NALF1: variants seen among roughly 807,000 people sequenced by gnomAD.
The protein encoded by NALF1 is NALCN channel auxiliary factor 1, also known as family with sequence similarity 155 member A.
Under a neutral mutation model 48.4 loss-of-function variants are expected in NALF1, and 3 were observed. That is an observed-to-expected ratio of 0.06 (90% CI 0.03 to 0.16). The LOEUF (loss-of-function observed/expected upper bound fraction) is 0.16. Ranked by LOEUF, NALF1 falls within the 10% of genes least tolerant of loss-of-function variation. The pLI is 1.00. For missense variants in NALF1, 526 were observed against 571.5 expected (o/e 0.92, Z 0.81); for synonymous variants, 262 against 245.7 (o/e 1.07, Z -0.62).
chr13:107,418,899 C>T (rs1395047122), intron 1 of NALF1, among the ~76,000 whole-genome samples: 2 of 152,136 alleles, frequency 1.3e-5, no homozygotes, highest in Admixed American at 6.6e-5. Context: ...AACTTTGTTC[C>T]AGAAAATTGT....
chr13:107,324,849 A>T (rs1390714119), intron 1 of NALF1, among the ~76,000 whole-genome samples: 1 of 152,254 alleles, frequency 6.6e-6, no homozygotes, highest in Non-Finnish European at 1.5e-5. Context: ...AGTATCTACT[A>T]TCCAATAACT....
intron 1 of NALF1, among the ~76,000 whole-genome samples, chr13:107,737,927 T>G (rs1876515268): frequency 6.6e-6 from 1 of 152,180 alleles, no homozygotes. Context: ...TATTAAAACA[T>G]GTGAAATCAC....
At chr13:107,569,446 T>C (rs982213695) in intron 1 of NALF1, among the ~76,000 whole-genome samples, 2 of 151,430 alleles carry the variant, frequency 1.3e-5, no homozygotes, top group African/African-American at 2.4e-5. Context: ...CACTCCAGCC[T>C]GGGCGACACA....
At chr13:107,209,406 C>G (rs1327532458) in intron 2 of NALF1, among the ~76,000 whole-genome samples, 1 of 151,776 alleles carries the variant, frequency 6.6e-6, no homozygotes, top group Admixed American at 6.6e-5. Flanking sequence ...ACTCGGGAGG[C>G]TGAGGCATGA....
intron 1 of NALF1, among the ~76,000 whole-genome samples, chr13:107,426,823 T>C (rs1264184751): frequency 6.6e-6 from 1 of 152,136 alleles, no homozygotes; most frequent in African/African-American, 2.4e-5. Context: ...AGCATACTGC[T>C]TGGAAAAACT....
intron 1 of NALF1, among the ~76,000 whole-genome samples, chr13:107,810,536 T>C (rs1878956446): frequency 6.6e-6 from 1 of 152,162 alleles, no homozygotes; most frequent in South Asian, 2.1e-4. Context: ...ATGTTTCCAA[T>C]AGCTTCTTTT....
intron 1 of NALF1, among the ~76,000 whole-genome samples, chr13:107,523,498 A>G (rs1369905193): frequency 1.4e-5 from 2 of 147,548 alleles, no homozygotes; most frequent in African/African-American, 5.0e-5. Context: ...CATTAGGTAT[A>G]TCTCCTAATG....
intron 1 of NALF1, among the ~76,000 whole-genome samples, chr13:107,751,456 G>C (rs1235409315): frequency 1.3e-5 from 2 of 152,094 alleles, no homozygotes; most frequent in African/African-American, 4.8e-5. Flanking sequence ...TAACTAACTG[G>C]CTTGACTATT....
In NALF1 at chr13:107,429,183, G is replaced by A. The variant is rs112044318; in HGVS notation, c.916-218428C>T. ...TACTGAAATATAAAATTAGCCGGGCGTGGTTGTGCAAGTCTGTAATCCCAG... is the reference window on the plus strand; with the variant it reads ...TACTGAAATATAAAATTAGCCGGGCATGGTTGTGCAAGTCTGTAATCCCAG... On this transcript the variant is annotated intron_variant, in intron 1 of 2. Transcript: ENST00000375915. Among the ~76,000 whole-genome samples, 112 of 152,100 alleles carry A rather than the reference G, an allele frequency of 7.4e-4. 1 individual carries two copies. Among genetic ancestry groups the A allele is most frequent in the Middle Eastern group, 6.8e-3 (2 of 294 alleles).
chr13:107,725,580 G>T (rs773227722), intron 1 of NALF1, among the ~76,000 whole-genome samples: 3 of 151,938 alleles, frequency 2.0e-5, no homozygotes, highest in African/African-American at 4.8e-5. Context: ...GCGCAGAGGC[G>T]CACGCCTGTA....
At chr13:107,373,923 T>C (rs564882832) in intron 1 of NALF1, among the ~76,000 whole-genome samples, 60 of 152,310 alleles carry the variant, frequency 3.9e-4, no homozygotes, top group Non-Finnish European at 6.8e-4. Context: ...AGACTGCCCA[T>C]GGTGATCAAT....
intron 1 of NALF1, among the ~76,000 whole-genome samples, chr13:107,334,276 A>G (rs987852377): frequency 9.2e-5 from 14 of 152,178 alleles, no homozygotes; most frequent in African/African-American, 3.4e-4. Context: ...ATATGATTAT[A>G]AAAAATGCTT....
intron 1 of NALF1, among the ~76,000 whole-genome samples, chr13:107,212,962 A>T (rs1566452934): frequency 1.3e-5 from 2 of 152,054 alleles, no homozygotes; most frequent in Admixed American, 1.3e-4. Flanking sequence ...CCCCATTCCC[A>T]CCGCTCCCTC....
chr13:107,536,685 T>C (rs1445660158), intron 1 of NALF1, among the ~76,000 whole-genome samples: 2 of 152,116 alleles, frequency 1.3e-5, no homozygotes, highest in African/African-American at 4.8e-5. Context: ...TCCTCAGGGA[T>C]CTAGAACTAG....
chr13:107,558,005 G>A (rs531431731), intron 1 of NALF1, among the ~76,000 whole-genome samples: 18 of 152,070 alleles, frequency 1.2e-4, no homozygotes, highest in Middle Eastern at 3.4e-3. Flanking sequence ...GAAAGGTGTC[G>A]GCATTCAGAG....
At chr13:107,844,974 G>T (rs552660180) in intron 1 of NALF1, among the ~76,000 whole-genome samples, 1 of 152,036 alleles carries the variant, frequency 6.6e-6, no homozygotes, top group Non-Finnish European at 1.5e-5. Context: ...GAATACTTAG[G>T]TATCAGATAT....
intron 1 of NALF1, among the ~76,000 whole-genome samples, chr13:107,858,051 C>T (rs562434149): frequency 1.3e-5 from 2 of 152,326 alleles, no homozygotes; most frequent in African/African-American, 2.4e-5. Flanking sequence ...CAGCTCTAAA[C>T]GTGAAATCAG....
intron 1 of NALF1, among the ~76,000 whole-genome samples, chr13:107,782,263 A>C (rs899741753): frequency 4.6e-5 from 7 of 152,300 alleles, no homozygotes; most frequent in South Asian, 4.1e-4. Flanking sequence ...CTGTGTTGGC[A>C]GGGCTGGCTT....
rs1555329721 is a variant in NALF1 at position 107,851,805 on chromosome 13, C to CATTTTTTTTTTTTTTTTT, written c.915+13876_915+13877insAAAAAAAAAAAAAAAAAT. ...GGATTAAGGGCTTTACAGGCCCTTT[C>CATTTTTTTTTTTTTTTTT]TTTTTTTTTTTTTTTTTTTTTGAGA... On this transcript the variant is annotated intron_variant, in intron 1 of 2. Coordinates refer to ENST00000375915, the MANE Select transcript of NALF1 (RefSeq NM_001080396.3). Among the ~76,000 whole-genome samples the CATTTTTTTTTTTTTTTTT allele has an allele frequency of 7.5e-4, 79 of 104,730 alleles. 10 individuals are homozygous for CATTTTTTTTTTTTTTTTT. The highest frequency in any genetic ancestry group is 6.6e-3 in the East Asian group (23 of 3,490). 68.7% of individuals were successfully genotyped at this position (104,730 alleles called of 152,430 possible). A position where few individuals can be genotyped will look rare whatever the true frequency, so the allele number is the denominator to read the frequency against.
Sources: gnomAD v4.1 joint callset for allele counts (sites outside exome capture counted in the v4.1 genomes callset) on GRCh38, gnomAD v4.1.1 for gene constraint, MANE v1.5 for transcripts, NCBI Gene and HGNC (gene_info 2026-07-23, HGNC 2026-07-21) for gene names.